TGM3: variants seen among roughly 807,000 people sequenced by gnomAD.
TGM3 encodes the protein transglutaminase 3.
A neutral mutation model predicts 73.8 loss-of-function variants in TGM3; 52 were observed. That is an observed-to-expected ratio of 0.70 (90% CI 0.56 to 0.89). The LOEUF (loss-of-function observed/expected upper bound fraction) is 0.89. TGM3 is among the 40% of genes least tolerant of loss of function. The pLI is 0.00. For missense variants in TGM3, 928 were observed against 909.9 expected (o/e 1.02, Z -0.26); for synonymous variants, 372 against 354.9 (o/e 1.05, Z -0.54).
At chr20:2,340,285 C>T in intron 12 of TGM3, 149 bp from the exon 13 acceptor site, 1 of 1,252,332 alleles carries the variant, frequency 8.0e-7, no homozygotes, top group Non-Finnish European at 1.1e-6. Flanking sequence ...CTGGAGGGGC[C>T]CCGTAACCCA....
In TGM3 at chr20:2,334,834, G is replaced by A. The variant is rs149029224; in HGVS notation, c.1643-282G>A. 1.8e-4 allele frequency among the ~76,000 whole-genome samples: 27 copies of A among 152,188 alleles called. No individual in the cohort carries two copies. The highest frequency in any genetic ancestry group is 5.8e-4 in the East Asian group (3 of 5,180). ...GGACACTTGCCCTCCAACATTTTTC[G>A]GAGTCGGGAGGAAGCAGCGGTATCT... On this transcript the variant is annotated intron_variant, in intron 10 of 12. Transcript: ENST00000381458. This position sits in a 1 kb window ranked among gnomAD's most constrained non-coding sequence, Gnocchi z 4.0.
At chr20:2,309,616 C>T in intron 1 of TGM3, 41 bp from the exon 2 acceptor site, 2 of 1,607,544 alleles carry the variant, frequency 1.2e-6, no homozygotes, top group Non-Finnish European at 1.7e-6. Context: ...ACCACCATCC[C>T]TTGCCTCCTA....
rs752531088 is a variant in TGM3 at position 2,317,120 on chromosome 20, A to T, written c.722A>T (p.Tyr241Phe). The change falls in exon 6 of 13, where the codon TAC becomes TTC. Residue 241 changes from tyrosine to phenylalanine, a missense_variant. Transcript: ENST00000381458. ...GVLAGNWSGT[Y>F]TGGRDPRSWN... is the part of the protein sequence containing the mutation. ...CTTGCTGGGAATTGGAGCGGCACTT[A>T]CACCGGTGGCCGGGACCCAAGGAGC... is the stretch of plus-strand genomic sequence containing the variant. The T allele has an allele frequency of 6.2e-7, 1 of 1,613,988 alleles. No individual in the cohort carries two copies.
rs189087432 is a variant in TGM3, at chr20:2,337,150, A to C, written c.1800+1877A>C. ...TTAGTGGATAGCCACTATTTGTAAA[A>C]GAGAAATAGCCCCTTGCTCGGGGCA... On this transcript the variant is annotated intron_variant, in intron 11 of 12. Coordinates refer to ENST00000381458, the MANE Select transcript of TGM3 (RefSeq NM_003245.4). 1.6e-3 allele frequency among the ~76,000 whole-genome samples: 238 copies of C among 152,316 alleles called. 6 individuals carry two copies. In the East Asian group the frequency reaches 0.04, roughly 26 times the overall value.
chr20:2,325,219 T>A (rs1290645675), intron 7 of TGM3, among the ~76,000 whole-genome samples: 1 of 152,102 alleles, frequency 6.6e-6, no homozygotes, highest in African/African-American at 2.4e-5. Context: ...GAGGGCAGAA[T>A]TGGGGGACAG....
rs1267013494 is a variant in TGM3, at chr20:2,325,932, C to A, written c.1067C>A (p.Thr356Asn). 6.3e-7 allele frequency: 1 copy of A among 1,594,606 alleles called. No homozygotes were observed. Among genetic ancestry groups the A allele is most frequent in the Middle Eastern group, 1.7e-4 (1 of 6,048 alleles). Residue 356 changes from threonine to asparagine, a missense_variant, in exon 8 of 13, where the codon ACC (threonine) becomes AAC (asparagine). By Grantham distance (65) the Thr-to-Asn change is moderately conservative (BLOSUM62 0). Coordinates refer to ENST00000381458, the MANE Select transcript of TGM3 (RefSeq NM_003245.4). ...SYGGWQVLDA[T>N]PQERSQGVFQ... Reference sequence around the variant, plus strand: ...GGTGGATGGCAGGTGTTGGATGCTACCCCGCAGGAAAGAAGCCAAGGTAAC... The same window carrying A: ...GGTGGATGGCAGGTGTTGGATGCTAACCCGCAGGAAAGAAGCCAAGGTAAC...
At chr20:2,314,631 G>A (rs1057027932) in intron 5 of TGM3, among the ~76,000 whole-genome samples, 2 of 151,736 alleles carry the variant, frequency 1.3e-5, no homozygotes, top group African/African-American at 4.8e-5. Context: ...TGAGCTGGGG[G>A]AATTGCATGA....
Position 2,340,799 on chromosome 20 carries a change from T to C in TGM3, c.*218T>C. 1.5e-6 allele frequency: 1 copy of C among 684,700 alleles called. No individual in the cohort carries two copies. Among genetic ancestry groups the C allele is most frequent in the Admixed American group, 2.1e-5 (1 of 48,772 alleles). The allele number at this position is 684,700 out of a possible 1,614,324, so 42.4% of individuals were successfully genotyped here. A position where few individuals can be genotyped will look rare whatever the true frequency, so the allele number is the denominator to read the frequency against. Reference sequence around the variant, plus strand: ...CTATGACTTGATCACTTTTGCACATTCCCTGGCCGCTTCTCCCCAGAGCTG... The same window carrying C: ...CTATGACTTGATCACTTTTGCACATCCCCTGGCCGCTTCTCCCCAGAGCTG... On this transcript the variant is annotated 3_prime_UTR_variant, in exon 13 of 13. Coordinates refer to ENST00000381458, the MANE Select transcript of TGM3 (RefSeq NM_003245.4).
chr20:2,308,141 G>A (rs953672409), intron 1 of TGM3, among the ~76,000 whole-genome samples: 3 of 152,142 alleles, frequency 2.0e-5, no homozygotes, highest in Non-Finnish European at 4.4e-5. Flanking sequence ...AGAATCCCTT[G>A]AGCCCAGGAG....
At chr20:2,308,903 G>A (rs1469183874) in intron 1 of TGM3, among the ~76,000 whole-genome samples, 1 of 148,116 alleles carries the variant, frequency 6.8e-6, no homozygotes, top group East Asian at 2.0e-4. Flanking sequence ...TTGAGACAGA[G>A]TTTTGCTGTT....
At chr20:2,314,099 G>C (rs1372300428) in intron 5 of TGM3, among the ~76,000 whole-genome samples, 1 of 152,184 alleles carries the variant, frequency 6.6e-6, no homozygotes, top group Non-Finnish European at 1.5e-5. Flanking sequence ...GAGCCAAGGA[G>C]GTGGAGATTG....
At chr20:2,331,275 C>T (rs966129335) in intron 9 of TGM3, among the ~76,000 whole-genome samples, 3 of 152,128 alleles carry the variant, frequency 2.0e-5, no homozygotes, top group African/African-American at 7.2e-5. Flanking sequence ...CTCTGTGTGC[C>T]CTCAGAGCCA....
intron 1 of TGM3, 111 bp downstream of exon 1, chr20:2,296,181 T>A (rs752238987): frequency 2.2e-6 from 3 of 1,354,874 alleles, no homozygotes; most frequent in Non-Finnish European, 3.1e-6. Flanking sequence ...CCTTGGGGGC[T>A]CTGAAGGCCA....
rs943202833 is a variant in TGM3 at position 2,329,789 on chromosome 20, T to C, written c.1333+1424T>C. ...AGAGCAATGCCTGTCTTCAGCGGGA[T>C]TTAAATGAGCTAAGGTATACAAAGT... On this transcript the variant is annotated intron_variant, in intron 9 of 12. Transcript: ENST00000381458. Among the ~76,000 whole-genome samples the C allele has an allele frequency of 3.9e-5, 6 of 152,308 alleles. No individual in the cohort carries two copies. In the South Asian group the frequency reaches 8.3e-4, roughly 21 times the overall value.
chr20:2,317,581 G>C, intron 7 of TGM3, 96 bp downstream of exon 7: 1 of 1,527,266 alleles, frequency 6.5e-7, no homozygotes, highest in Non-Finnish European at 8.9e-7. Context: ...AACAGGTGTT[G>C]CAAGGCAAGT....
At chr20:2,307,358 C>CTT (rs2084181470) in intron 1 of TGM3, among the ~76,000 whole-genome samples, 1 of 152,102 alleles carries the variant, frequency 6.6e-6, no homozygotes, top group Admixed American at 6.5e-5. Flanking sequence ...CCAACCCCCA[C>CTT]TCTCTCCTGT....
chr20:2,296,099 T>C (rs1166163422), intron 1 of TGM3, 29 bp downstream of exon 1: 4 of 1,549,936 alleles, frequency 2.6e-6, no homozygotes, highest in Non-Finnish European at 3.5e-6. Context: ...CTCCATCAGG[T>C]CCTTGCCAGA....
intron 7 of TGM3, among the ~76,000 whole-genome samples, chr20:2,323,304 C>T (rs1267612717): frequency 6.6e-6 from 1 of 152,246 alleles, no homozygotes; most frequent in African/African-American, 2.4e-5. Flanking sequence ...TGAGTGTGAA[C>T]ACACAATGTT....
chr20:2,312,870 T>C (rs978514445), intron 4 of TGM3, 28 bp from the exon 5 acceptor site: 3 of 1,612,574 alleles, frequency 1.9e-6, no homozygotes, highest in Non-Finnish European at 2.5e-6. Context: ...ATTTCTTTAA[T>C]TGTAATGTAT....
Sources: gnomAD v4.1 joint callset for allele counts (sites outside exome capture counted in the v4.1 genomes callset) on GRCh38, gnomAD v4.1.1 for gene constraint, Gnocchi (gnomAD v3.1) non-coding constraint, MANE v1.5 for transcripts, NCBI Gene and HGNC (gene_info 2026-07-23, HGNC 2026-07-21) for gene names.